Variants in CSMD1 observed in about 807,000 individuals in gnomAD.
CSMD1 encodes the protein CUB and sushi domain-containing protein 1.
CSMD1 carries 213 observed loss-of-function variants against 417.5 expected under a neutral mutation model. The ratio of observed to expected loss-of-function variants is 0.51; its 90% CI spans 0.46 to 0.57. The LOEUF is 0.57. CSMD1 is among the 20% of genes least tolerant of loss of function. The pLI is 0.00. For missense variants in CSMD1, 6,923 were observed against 4,529.7 expected (o/e 1.53, Z -15.17); for synonymous variants, 2,862 against 1,736.8 (o/e 1.65, Z -16.11).
At chr8:4,308,127 G>T (rs764885814) in intron 3 of CSMD1, among the ~76,000 whole-genome samples, 46 of 152,326 alleles carry the variant, frequency 3.0e-4, no homozygotes, top group Admixed American at 1.0e-3. Flanking sequence ...GCAGGAAGAT[G>T]TGTTTTACTT....
At chr8:4,535,281 AG>A (rs1009187672) in intron 2 of CSMD1, among the ~76,000 whole-genome samples, 2 of 152,206 alleles carry the variant, frequency 1.3e-5, no homozygotes, top group African/African-American at 4.8e-5. Flanking sequence ...CCAAAATCAC[AG>A]GGGGAAGTCA....
At chr8:4,582,199 C>G (rs369746262) in intron 2 of CSMD1, among the ~76,000 whole-genome samples, 1 of 151,942 alleles carries the variant, frequency 6.6e-6, no homozygotes, top group East Asian at 1.9e-4. Context: ...TGTCATATAT[C>G]TGACACCCAC....
intron 51 of CSMD1, among the ~76,000 whole-genome samples, chr8:3,024,967 G>C (rs1041137628): frequency 1.3e-5 from 2 of 151,832 alleles, no homozygotes; most frequent in Non-Finnish European, 2.9e-5. Context: ...ACTGTGTATT[G>C]TGTGGTGTTA....
At chr8:4,248,391 A>G (rs1173766717) in intron 3 of CSMD1, among the ~76,000 whole-genome samples, 1 of 152,198 alleles carries the variant, frequency 6.6e-6, no homozygotes, top group African/African-American at 2.4e-5. Flanking sequence ...TTTGCTGGTG[A>G]AACTATCATG....
At chr8:4,773,649 C>G (rs894677816) in intron 1 of CSMD1, among the ~76,000 whole-genome samples, 2 of 152,186 alleles carry the variant, frequency 1.3e-5, no homozygotes, top group African/African-American at 4.8e-5. Flanking sequence ...TGAACGAGCA[C>G]TGCAATGTGT....
At chr8:4,734,188 G>A (rs368394744) in intron 1 of CSMD1, among the ~76,000 whole-genome samples, 5 of 152,018 alleles carry the variant, frequency 3.3e-5, no homozygotes, top group Admixed American at 6.5e-5. Context: ...ATTTAAATAT[G>A]TTTACCTGGA....
intron 5 of CSMD1, among the ~76,000 whole-genome samples, chr8:3,921,149 T>C (rs527589444): frequency 2.2e-4 from 34 of 152,292 alleles, no homozygotes; most frequent in Non-Finnish European, 4.7e-4. Flanking sequence ...CTTATTTGTA[T>C]TGACCCTTTG....
At chr8:3,359,947 T>C (rs1585050463) in intron 20 of CSMD1, among the ~76,000 whole-genome samples, 1 of 152,178 alleles carries the variant, frequency 6.6e-6, no homozygotes, top group Admixed American at 6.5e-5. Context: ...AACTGTCAGC[T>C]TGAGAGTGTG....
chr8:3,452,966 A>G (rs1405758167), intron 12 of CSMD1, among the ~76,000 whole-genome samples: 2 of 152,120 alleles, frequency 1.3e-5, no homozygotes, highest in Non-Finnish European at 2.9e-5. Context: ...TTTGGTTGGT[A>G]AGCTATTAAT....
At chr8:3,323,124 T>G (rs1019228474) in intron 23 of CSMD1, among the ~76,000 whole-genome samples, 4 of 152,222 alleles carry the variant, frequency 2.6e-5, no homozygotes, top group Non-Finnish European at 2.9e-5. Context: ...ATTGTGTTTT[T>G]GTCTAACATT....
chr8:4,491,832 A>G (rs909772488), intron 2 of CSMD1, among the ~76,000 whole-genome samples: 7 of 152,202 alleles, frequency 4.6e-5, no homozygotes, highest in African/African-American at 1.7e-4. Flanking sequence ...AAAGCTAAAC[A>G]CAGTCTTACT....
intron 23 of CSMD1, among the ~76,000 whole-genome samples, chr8:3,318,320 G>C (rs909859458): frequency 1.3e-5 from 2 of 152,106 alleles, no homozygotes; most frequent in African/African-American, 4.8e-5. Context: ...TTCTCTAATT[G>C]AGAACATAAA....
intron 5 of CSMD1, among the ~76,000 whole-genome samples, chr8:3,923,734 G>A (rs1008923623): frequency 4.6e-5 from 7 of 152,086 alleles, no homozygotes; most frequent in Non-Finnish European, 1.0e-4. Context: ...CTGTCTCACT[G>A]AAACTTTATA....
intron 12 of CSMD1, among the ~76,000 whole-genome samples, chr8:3,441,296 A>C (rs955549930): frequency 1.3e-5 from 2 of 152,064 alleles, no homozygotes; most frequent in Non-Finnish European, 2.9e-5. Flanking sequence ...CAAACAGTAC[A>C]TTTGTGGTGG....
At chr8:4,506,457 C>G (rs376238459) in intron 2 of CSMD1, among the ~76,000 whole-genome samples, 1 of 152,102 alleles carries the variant, frequency 6.6e-6, no homozygotes, top group African/African-American at 2.4e-5. Context: ...ACTCCCCTCC[C>G]CTATGCTAAG....
chr8:2,935,935 T>C lies in CSMD1; in HGVS notation c.*2650A>G, dbSNP rs1308887799. ...CTCTGAAGCACGTGTCCTCTGTTAG[T>C]GTGTGGTCGCGTCCCTCACGCGTGT... On this transcript the variant is annotated 3_prime_UTR_variant, in exon 70 of 70. Transcript: ENST00000635120. 8.5e-5 allele frequency: 13 copies of C among 152,240 alleles called. No individual in the cohort carries two copies. Among genetic ancestry groups the C allele is most frequent in the Admixed American group, 8.5e-4 (13 of 15,290 alleles). 9.4% of individuals were successfully genotyped at this position (152,240 alleles called of 1,614,324 possible).
intron 1 of CSMD1, among the ~76,000 whole-genome samples, chr8:4,722,793 A>G (rs1294883147): frequency 6.6e-6 from 1 of 152,200 alleles, no homozygotes; most frequent in African/African-American, 2.4e-5. Flanking sequence ...ATATTTCAGG[A>G]ATACTTGTTT....
chr8:3,732,781 A>G (rs1247278273), intron 6 of CSMD1, among the ~76,000 whole-genome samples: 1 of 152,198 alleles, frequency 6.6e-6, no homozygotes, highest in Non-Finnish European at 1.5e-5. Flanking sequence ...TGAAACGTCC[A>G]TCCCACTGAG....
At position 2,965,969 on chromosome 8, in the gene CSMD1, A is replaced by C; in HGVS notation, c.9101-15T>G. ...ACAACTTATAACTAATAAACAGGGA[A>C]CAGGAAAGAATCAGAGAAATTCATT... On this transcript the variant is annotated splice_polypyrimidine_tract_variant and intron_variant, in intron 58 of 69. Transcript: ENST00000635120. The C allele has an allele frequency of 6.3e-7, 1 of 1,585,942 alleles. No individual in the cohort carries two copies. Among genetic ancestry groups the C allele is most frequent in the Non-Finnish European group, 8.6e-7 (1 of 1,163,778 alleles).
Sources: allele counts gnomAD v4.1 joint callset (sites outside exome capture counted in the v4.1 genomes callset), GRCh38; gene constraint gnomAD v4.1.1; transcripts MANE v1.5; gene names NCBI Gene and HGNC (gene_info 2026-07-23, HGNC 2026-07-21).